Variants in PLA2G4E observed in about 807,000 individuals in gnomAD.
PLA2G4E encodes the protein cytosolic phospholipase A2 epsilon.
PLA2G4E carries 84 observed loss-of-function variants against 109.1 expected under a neutral mutation model. The ratio of observed to expected loss-of-function variants is 0.77; its 90% CI spans 0.65 to 0.92. PLA2G4E has a LOEUF of 0.92. Among genes scored for constraint, PLA2G4E ranks in the 40% least tolerant of loss-of-function variants. PLA2G4E has a pLI of 0.00. For missense variants in PLA2G4E, 1,057 were observed against 1,076.6 expected (o/e 0.98, Z 0.25); for synonymous variants, 469 against 436.1 (o/e 1.08, Z -0.94).
intron 17 of PLA2G4E, among the ~76,000 whole-genome samples, chr15:41,986,396 C>T (rs958004311): frequency 5.3e-5 from 8 of 152,210 alleles, no homozygotes; most frequent in African/African-American, 1.9e-4. Flanking sequence ...AGGGCCTCAG[C>T]AGCAGAGGAG....
intron 2 of PLA2G4E, among the ~76,000 whole-genome samples, chr15:42,008,640 C>T (rs2068501772): frequency 1.3e-5 from 2 of 152,212 alleles, no homozygotes; most frequent in South Asian, 4.1e-4. Context: ...CCTAAGTCTT[C>T]CACCTGGAGC....
At chr15:42,013,941 G>C (rs1424319209) in intron 1 of PLA2G4E, among the ~76,000 whole-genome samples, 184 bp from the exon 2 acceptor site, 2 of 135,072 alleles carry the variant, frequency 1.5e-5, no homozygotes, top group Non-Finnish European at 3.1e-5. Flanking sequence ...GCCCAGGCTA[G>C]AGTGCCATGG....
intron 3 of PLA2G4E, 92 bp from the exon 4 acceptor site, chr15:42,006,213 G>A: frequency 1.3e-6 from 2 of 1,520,816 alleles, no homozygotes; most frequent in Non-Finnish European, 1.8e-6. Flanking sequence ...TAGCAAGGAG[G>A]TAGGTCTGGG....
chr15:42,016,991 T>C (rs2068601448), intron 1 of PLA2G4E, among the ~76,000 whole-genome samples: 1 of 152,220 alleles, frequency 6.6e-6, no homozygotes, highest in Non-Finnish European at 1.5e-5. Context: ...GCATGCACCC[T>C]GGGCTGGCCT....
intron 11 of PLA2G4E, among the ~76,000 whole-genome samples, chr15:41,996,687 C>T (rs2068347419): frequency 6.6e-6 from 1 of 152,232 alleles, no homozygotes; most frequent in Admixed American, 6.5e-5. Context: ...TCTCCAGCTT[C>T]CTAGCGCTGT....
rs930079285 is a variant in PLA2G4E at position 41,983,648 on chromosome 15, C to A, written c.*106G>T. The A allele has an allele frequency of 5.9e-6, 6 of 1,024,938 alleles. No individual in the cohort carries two copies. The African/African-American group carries it at 8.1e-5, about 14-fold the overall frequency. The allele number at this position is 1,024,938 out of a possible 1,614,324, so 63.5% of individuals were successfully genotyped here. A position where few individuals can be genotyped will look rare whatever the true frequency, so the allele number is the denominator to read the frequency against. ...AAGCCCAGGCCAACCTGCTCACACCCATTGCCGGAGAGCAGAGCTGGCTGC... is the reference window on the plus strand; with the variant it reads ...AAGCCCAGGCCAACCTGCTCACACCAATTGCCGGAGAGCAGAGCTGGCTGC... On this transcript the variant is annotated 3_prime_UTR_variant, in exon 20 of 20. Transcript: ENST00000399518.
At chr15:42,045,506 A>C (rs1419211213) in intron 1 of PLA2G4E, among the ~76,000 whole-genome samples, 1 of 152,190 alleles carries the variant, frequency 6.6e-6, no homozygotes, top group Non-Finnish European at 1.5e-5. Flanking sequence ...AGGCATGAAC[A>C]AGCAGCTGCA....
exon 20 of PLA2G4E, chr15:41,981,731 G>A (rs960994401): frequency 6.6e-6 from 1 of 152,232 alleles, no homozygotes; most frequent in Non-Finnish European, 1.5e-5. Flanking sequence ...CTTTGATACT[G>A]GAAGGAGAGT....
exon 2 of PLA2G4E, chr15:42,013,714 C>T (rs1276512143): frequency 5.2e-6 from 8 of 1,550,598 alleles, no homozygotes; most frequent in Admixed American, 2.0e-5. Flanking sequence ...ATTTTTCATC[C>T]GGATGACCCT....
chr15:41,990,740 C>CACT (rs2068231927), intron 13 of PLA2G4E, among the ~76,000 whole-genome samples: 1 of 44,592 alleles, frequency 2.2e-5, no homozygotes, highest in Admixed American at 2.0e-4. Context: ...CCTCCTCTTC[C>CACT]CTTCTTTTTT....
At chr15:42,049,539 C>T (rs753266847) in intron 1 of PLA2G4E, among the ~76,000 whole-genome samples, 2 of 152,176 alleles carry the variant, frequency 1.3e-5, no homozygotes, top group Non-Finnish European at 2.9e-5. Context: ...CCCTCAGTTA[C>T]CTGTGTGATG....
At position 41,997,511 on chromosome 15, in the gene PLA2G4E, T is replaced by C. The variant is rs147157883; in HGVS notation, c.975-252A>G. On this transcript the variant is annotated intron_variant, in intron 10 of 19. Coordinates refer to ENST00000399518, the Ensembl canonical transcript of PLA2G4E. The stretch of plus-strand genomic sequence containing the variant: ...TAGCTGGCACAATGCGAGCTGGTAC[T>C]CAACAAAAGATAACTGTTGGCACTG... 123 of 322,214 alleles carry C rather than the reference T, an allele frequency of 3.8e-4. No individual in the cohort carries two copies. The East Asian group carries it at 5.2e-3, about 14-fold the overall frequency. 20.0% of individuals were successfully genotyped at this position (322,214 alleles called of 1,614,324 possible).
chr15:41,988,069 C>T (rs747002922), exon 16 of PLA2G4E: 2 of 1,605,698 alleles, frequency 1.2e-6, no homozygotes, highest in Admixed American at 3.4e-5. Context: ...CACTTTCTCC[C>T]TTGTCCACCT....
At chr15:41,984,463 C>T (rs1368373793) in exon 19 of PLA2G4E, 1 of 1,613,480 alleles carries the variant, frequency 6.2e-7, no homozygotes, top group Non-Finnish European at 8.5e-7. Context: ...CGGAAAGTGT[C>T]ATTGATGAGT....
intron 1 of PLA2G4E, among the ~76,000 whole-genome samples, chr15:42,027,349 T>C (rs1182917548): frequency 1.3e-5 from 2 of 152,116 alleles, no homozygotes; most frequent in African/African-American, 4.8e-5. Flanking sequence ...CAGCAATCAA[T>C]CAAGAAAGCT....
intron 1 of PLA2G4E, among the ~76,000 whole-genome samples, chr15:42,027,811 C>A (rs901381603): frequency 7.2e-6 from 1 of 139,278 alleles, no homozygotes; most frequent in African/African-American, 2.7e-5. Context: ...TTTATAGCTG[C>A]TCTATCTCAT....
At chr15:42,028,324 A>G (rs770316213) in intron 1 of PLA2G4E, among the ~76,000 whole-genome samples, 1 of 152,234 alleles carries the variant, frequency 6.6e-6, no homozygotes, top group Non-Finnish European at 1.5e-5. Context: ...CCCAGGTAGA[A>G]AGCTGCTGAC....
In PLA2G4E at chr15:41,992,836, G is replaced by A. The variant is rs1230610834; in HGVS notation, c.1371C>T (p.Arg457=). Residue 457 remains arginine, a synonymous_variant, in exon 13 of 20, where the codon CGC becomes CGT. Transcript: ENST00000399518. ...GCTGCCGGAGCTCCTCCTGGAATTT[G>A]CGGAGCTGGTCTGGGAACAGGGAGG... 1.9e-6 allele frequency: 3 copies of A among 1,613,892 alleles called. No homozygotes were observed. The African/African-American group carries it at 4.0e-5, about 22-fold the overall frequency.
rs181895611 is a variant in PLA2G4E at position 42,041,734 on chromosome 15, G to A, written c.183+8787C>T. 8.5e-5 allele frequency among the ~76,000 whole-genome samples: 13 copies of A among 152,244 alleles called. No individual in the cohort carries two copies. In the East Asian group the frequency reaches 1.5e-3, roughly 18 times the overall value. On this transcript the variant is annotated intron_variant, in intron 1 of 19. Transcript: ENST00000399518. The stretch of plus-strand genomic sequence containing the variant: ...TTTCATGCTTATTCACTTTGCTACC[G>A]TGGGTCTCTTTGAGGGGAACTGGCT...
Sources: gnomAD v4.1 joint callset for allele counts (sites outside exome capture counted in the v4.1 genomes callset) on GRCh38, gnomAD v4.1.1 for gene constraint, MANE v1.5 for transcripts, NCBI Gene and HGNC (gene_info 2026-07-23, HGNC 2026-07-21) for gene names.